Variants in ACTN4 observed in about 807,000 individuals in gnomAD.
ACTN4 encodes the protein alpha-actinin-4.
Under a neutral mutation model 114.2 loss-of-function variants are expected in ACTN4, and 18 were observed. The ratio of observed to expected loss-of-function variants is 0.16; its 90% CI spans 0.11 to 0.23. ACTN4 has a LOEUF of 0.23. Ranked by LOEUF, ACTN4 falls within the 10% of genes least tolerant of loss-of-function variation. The pLI is 1.00. For missense variants in ACTN4, 722 were observed against 1,262.9 expected (o/e 0.57, Z 6.49); for synonymous variants, 515 against 506.3 (o/e 1.02, Z -0.23).
In ACTN4 at chr19:38,723,469, G is replaced by C. The variant is rs1004700693; in HGVS notation, c.1443-145G>C. 2.8e-5 allele frequency: 20 copies of C among 721,828 alleles called. No individual in the cohort carries two copies. In the East Asian group the frequency reaches 5.1e-4, roughly 18 times the overall value. 44.7% of individuals were successfully genotyped at this position (721,828 alleles called of 1,614,324 possible). On this transcript the variant is annotated intron_variant, in intron 12 of 20. Coordinates refer to ENST00000252699, the MANE Select transcript of ACTN4 (RefSeq NM_004924.6). ...ATGGGCCAGAACCAAGCTGTGATTTGATTGACCAATTAGTGATTGGTTGCT... is the reference window on the plus strand; with the variant it reads ...ATGGGCCAGAACCAAGCTGTGATTTCATTGACCAATTAGTGATTGGTTGCT...
chr19:38,725,947 G>A (rs368000082), intron 17 of ACTN4, 44 bp downstream of exon 17: 43 of 1,608,058 alleles, frequency 2.7e-5, no homozygotes, highest in Non-Finnish European at 3.3e-5. Context: ...CAGCATGGCC[G>A]GCTTCCTCAC....
chr19:38,724,379 G>A lies in ACTN4; in HGVS notation c.1875+40G>A, dbSNP rs769207696. ...TCCGTAGGGGCTGGGGCAGGACGGC[G>A]GGGCTGGGGGCCACCTCCCTGACCG... is the stretch of plus-strand genomic sequence containing the variant. On this transcript the variant is annotated intron_variant, in intron 15 of 20. Coordinates refer to ENST00000252699, the MANE Select transcript of ACTN4 (RefSeq NM_004924.6). This position sits in a 1 kb window ranked among gnomAD's most constrained non-coding sequence, Gnocchi z 7.0. The A allele has an allele frequency of 8.1e-6, 13 of 1,611,432 alleles. No homozygotes were observed. Among genetic ancestry groups the A allele is most frequent in the African/African-American group, 5.3e-5 (4 of 74,884 alleles).
chr19:38,716,682 T>A (rs1452268735), intron 9 of ACTN4, among the ~76,000 whole-genome samples: 1 of 152,042 alleles, frequency 6.6e-6, no homozygotes, highest in African/African-American at 2.4e-5. Context: ...AAACTTAAAA[T>A]AAAAATCAGC....
rs869282702 is a variant in ACTN4, at chr19:38,673,789, T to C, written c.162+25882T>C. Reference sequence around the variant, plus strand: ...TATATATTTATATATGTATAATTTTTTTTTTTTTTTTTTTTGTGATGGAGT... The same window carrying C: ...TATATATTTATATATGTATAATTTTCTTTTTTTTTTTTTTTGTGATGGAGT... On this transcript the variant is annotated intron_variant, in intron 1 of 20. Transcript: ENST00000252699. 7.5e-5 allele frequency among the ~76,000 whole-genome samples: 9 copies of C among 120,044 alleles called. 1 individual carries two copies. The highest frequency in any genetic ancestry group is 4.9e-4 in the South Asian group (2 of 4,056). 78.8% of individuals were successfully genotyped at this position (120,044 alleles called of 152,430 possible).
chr19:38,709,787 G>A (rs1962180658), intron 7 of ACTN4, among the ~76,000 whole-genome samples: 3 of 152,336 alleles, frequency 2.0e-5, no homozygotes, highest in Middle Eastern at 6.8e-3. Context: ...CAAGGTGGCT[G>A]AGGAGGGGTG....
At chr19:38,694,816 G>A (rs571478065) in intron 1 of ACTN4, among the ~76,000 whole-genome samples, 12 of 152,270 alleles carry the variant, frequency 7.9e-5, no homozygotes, top group African/African-American at 2.4e-4. Flanking sequence ...GCAATTAGCC[G>A]TTATAGCATA....
intron 9 of ACTN4, 85 bp downstream of exon 9, chr19:38,714,646 G>T: frequency 2.8e-6 from 4 of 1,408,486 alleles, no homozygotes; most frequent in Non-Finnish European, 4.0e-6. Context: ...GAAAGCAGGT[G>T]TGGCAGCGAG....
chr19:38,730,689 T>G lies in ACTN4; in HGVS notation c.*1257T>G, dbSNP rs1424300300. 3 of 753,134 alleles carry G rather than the reference T, an allele frequency of 4.0e-6. No individual in the cohort carries two copies. The highest frequency in any genetic ancestry group is 6.5e-6 in the Non-Finnish European group (3 of 458,058). 46.7% of individuals were successfully genotyped at this position (753,134 alleles called of 1,614,324 possible). A position where few individuals can be genotyped will look rare whatever the true frequency, so the allele number is the denominator to read the frequency against. On this transcript the variant is annotated 3_prime_UTR_variant, in exon 21 of 21. Transcript: ENST00000252699. ...GCTGTTCTTGTTTCTGAGTGAGGAGTACGCAGGCCAGAGTGGTCACCCGGC... is the reference window on the plus strand; with the variant it reads ...GCTGTTCTTGTTTCTGAGTGAGGAGGACGCAGGCCAGAGTGGTCACCCGGC...
chr19:38,683,895 G>C (rs1967656093), intron 1 of ACTN4: 1 of 152,396 alleles, frequency 6.6e-6, no homozygotes, highest in South Asian at 2.1e-4. Flanking sequence ...CATGGGGCCT[G>C]CTGCACTGTG....
Position 38,731,326 on chromosome 19 carries a change from T to C in ACTN4, c.*1894T>C. 2 of 853,496 alleles carry C rather than the reference T, an allele frequency of 2.3e-6. No individual in the cohort carries two copies. Among genetic ancestry groups the C allele is most frequent in the Admixed American group, 1.8e-5 (1 of 54,778 alleles). The allele number at this position is 853,496 out of a possible 1,614,324, so 52.9% of individuals were successfully genotyped here. ...GGGAGGACATGAATGCCACAGGGTGTCACACCCCAACTCTGCCCCATCCCG... is the reference window on the plus strand; with the variant it reads ...GGGAGGACATGAATGCCACAGGGTGCCACACCCCAACTCTGCCCCATCCCG... On this transcript the variant is annotated 3_prime_UTR_variant, in exon 21 of 21. Coordinates refer to ENST00000252699, the MANE Select transcript of ACTN4 (RefSeq NM_004924.6).
chr19:38,673,527 T>TATATATTTATATATATG lies in ACTN4; in HGVS notation c.162+25620_162+25621insATATATTTATATATATG, dbSNP rs1599779929. 7.9e-5 allele frequency among the ~76,000 whole-genome samples: 8 copies of TATATATTTATATATATG among 100,832 alleles called. 1 individual carries two copies. Among genetic ancestry groups the TATATATTTATATATATG allele is most frequent in the South Asian group, 3.1e-4 (1 of 3,250 alleles). 66.1% of individuals were successfully genotyped at this position (100,832 alleles called of 152,430 possible). The stretch of plus-strand genomic sequence containing the variant: ...TATATGAATATATATTTATATATAT[T>TATATATTTATATATATG]CATATATACTTATATATATTTATAT... On this transcript the variant is annotated intron_variant, in intron 1 of 20. Coordinates refer to ENST00000252699, the MANE Select transcript of ACTN4 (RefSeq NM_004924.6).
At chr19:38,696,523 A>G (rs1483491795) in intron 1 of ACTN4, among the ~76,000 whole-genome samples, 1 of 152,172 alleles carries the variant, frequency 6.6e-6, no homozygotes, top group Non-Finnish European at 1.5e-5. Context: ...GTAACCAAGT[A>G]GAAGAAGCGA....
intron 1 of ACTN4, among the ~76,000 whole-genome samples, chr19:38,699,183 C>A (rs1968187247): frequency 6.6e-6 from 1 of 152,228 alleles, no homozygotes; most frequent in Admixed American, 6.5e-5. Context: ...CTGAGATCTT[C>A]TGTGGCCCTG....
chr19:38,676,871 A>G (rs1303975193), intron 1 of ACTN4, among the ~76,000 whole-genome samples: 1 of 151,758 alleles, frequency 6.6e-6, no homozygotes, highest in African/African-American at 2.4e-5. Flanking sequence ...CCCCCCACTC[A>G]CTCCCATCTA....
At chr19:38,672,488 G>A (rs540196929) in intron 1 of ACTN4, among the ~76,000 whole-genome samples, 88 of 152,018 alleles carry the variant, frequency 5.8e-4, no homozygotes, top group African/African-American at 2.1e-3. Context: ...TGACCCACTC[G>A]CCTTGGCTTC....
In ACTN4 at chr19:38,728,058, C is replaced by T. The variant is rs759298264; in HGVS notation, c.2418+32C>T. ...CACCCTGGGCCCCAGCGGACCATGG[C>T]ATTAACTGCTCTCTCTCTCTCTCTC... On this transcript the variant is annotated intron_variant, in intron 19 of 20. Transcript: ENST00000252699. 61 of 1,582,928 alleles carry T rather than the reference C, an allele frequency of 3.9e-5. No individual in the cohort carries two copies. The highest frequency in any genetic ancestry group is 5.1e-5 in the Non-Finnish European group (59 of 1,163,488).
At chr19:38,671,737 A>G (rs536031403) in intron 1 of ACTN4, among the ~76,000 whole-genome samples, 1 of 152,342 alleles carries the variant, frequency 6.6e-6, no homozygotes, top group African/African-American at 2.4e-5. Flanking sequence ...TTGGAGTACT[A>G]GCCCCACAGT....
chr19:38,675,560 A>C (rs1298833542), intron 1 of ACTN4, among the ~76,000 whole-genome samples: 1 of 152,210 alleles, frequency 6.6e-6, no homozygotes, highest in Non-Finnish European at 1.5e-5. Context: ...ATAAGCCCAG[A>C]AATTTCTTTC....
chr19:38,653,139 C>T (rs575749373), intron 1 of ACTN4, among the ~76,000 whole-genome samples: 1 of 151,000 alleles, frequency 6.6e-6, no homozygotes, highest in Non-Finnish European at 1.5e-5. Flanking sequence ...AGTTTTAAGT[C>T]TAAGCCTCCT....
Sources: gnomAD v4.1 joint callset for allele counts (sites outside exome capture counted in the v4.1 genomes callset) on GRCh38, gnomAD v4.1.1 for gene constraint, Gnocchi (gnomAD v3.1) non-coding constraint, MANE v1.5 for transcripts, NCBI Gene and HGNC (gene_info 2026-07-23, HGNC 2026-07-21) for gene names.